CPNE9: variants seen among roughly 807,000 people sequenced by gnomAD.
The protein encoded by CPNE9 is copine-9.
A neutral mutation model predicts 83.0 loss-of-function variants in CPNE9; 59 were observed. The ratio of observed to expected loss-of-function variants is 0.71; its 90% CI spans 0.58 to 0.88. The LOEUF is 0.88. CPNE9 is among the 40% of genes least tolerant of loss of function. CPNE9 has a pLI of 0.00. For synonymous variants in CPNE9, 256 were observed against 273.4 expected (o/e 0.94, Z 0.63); for missense variants, 619 against 720.8 (o/e 0.86, Z 1.62).
Position 9,704,877 on chromosome 3 carries a change from A to AC in CPNE9, c.157-8dup, listed in dbSNP as rs758556277. The AC allele has an allele frequency of 1.9e-6, 3 of 1,605,644 alleles. No homozygotes were observed. Among genetic ancestry groups the AC allele is most frequent in the Non-Finnish European group, 8.5e-7 (1 of 1,175,688 alleles). On this transcript the variant is annotated splice_polypyrimidine_tract_variant and intron_variant, in intron 3 of 20. Coordinates refer to ENST00000383832, the MANE Select transcript of CPNE9 (RefSeq NM_153635.3). The surrounding 1 kb of genome is among the most constrained non-coding windows in gnomAD (Gnocchi z 7.1). ...TCTGCACGTCCCACGCTGACCCTCC[A>AC]CCCCCCTACCCAGTTCGGACGGACC...
Position 9,709,182 on chromosome 3 carries a change from A to G in CPNE9, c.377+3119A>G, listed in dbSNP as rs147578588. Among the ~76,000 whole-genome samples the G allele has an allele frequency of 7.2e-3, 1,074 of 148,332 alleles. 38 individuals are homozygous for G. Among genetic ancestry groups the G allele is most frequent in the East Asian group, 0.07 (314 of 4,496 alleles). The stretch of plus-strand genomic sequence containing the variant: ...TCCCAGCTACTCAGAAGGCTGAGGC[A>G]GTAAAATCGCCTGAACCCGGGAGGC... On this transcript the variant is annotated intron_variant, in intron 7 of 20. Transcript: ENST00000383832.
intron 17 of CPNE9, among the ~76,000 whole-genome samples, chr3:9,721,400 C>A (rs1239451618): frequency 6.6e-6 from 1 of 152,118 alleles, no homozygotes; most frequent in Non-Finnish European, 1.5e-5. Flanking sequence ...ACATTGCATC[C>A]CTGTTTAATT....
At chr3:9,707,458 G>GT (rs1390007492) in intron 7 of CPNE9, among the ~76,000 whole-genome samples, 2 of 151,886 alleles carry the variant, frequency 1.3e-5, no homozygotes, top group African/African-American at 2.4e-5. Context: ...ACCAGTGAAG[G>GT]AGGGGAGAAG....
Position 9,704,207 on chromosome 3 carries a change from G to C in CPNE9, c.68+143G>C, listed in dbSNP as rs1419171223. ...ATCACAGCTGATGACAGGGCGAGTA[G>C]CTGGTGGGATCGAGAAGCGGGGGGT... On this transcript the variant is annotated intron_variant, in intron 1 of 20. Transcript: ENST00000383832. This position sits in a 1 kb window ranked among gnomAD's most constrained non-coding sequence, Gnocchi z 7.1. The C allele has an allele frequency of 3.7e-6, 3 of 802,786 alleles. No homozygotes were observed. The highest frequency in any genetic ancestry group is 5.9e-6 in the Non-Finnish European group (3 of 512,342). 49.7% of individuals were successfully genotyped at this position (802,786 alleles called of 1,614,324 possible).
In CPNE9 at chr3:9,726,698, G is replaced by A. The variant is rs1381439541; in HGVS notation, c.1378G>A (p.Gly460Ser). ...SSLPMSIIIV[G>S]VGPAMFEAME... is the part of the protein sequence containing the mutation. ...ATTGCCCATGTCTATCATTATCGTCGGTGTAGGACCAGCCATGTTTGAGGG... is the reference window on the plus strand; with the variant it reads ...ATTGCCCATGTCTATCATTATCGTCAGTGTAGGACCAGCCATGTTTGAGGG... Residue 460 changes from glycine to serine, a missense_variant, in exon 19 of 21, where the codon GGT becomes AGT. Gly to Ser is a moderately conservative substitution (Grantham distance 56, BLOSUM62 0). Around this residue, in one of 3 missense-constraint regions of CPNE9, gnomAD observed 438 missense variants for 562.9 expected, o/e 0.78. Transcript: ENST00000383832. The A allele has an allele frequency of 1.1e-5, 18 of 1,613,858 alleles. No individual in the cohort carries two copies. In the Admixed American group the frequency reaches 1.5e-4, roughly 13 times the overall value.
At chr3:9,722,163 C>CCA (rs1553691410) in intron 17 of CPNE9, among the ~76,000 whole-genome samples, 11 of 151,594 alleles carry the variant, frequency 7.3e-5, no homozygotes, top group Non-Finnish European at 1.3e-4. Flanking sequence ...GTGATCCACC[C>CCA]CCCCCCGCCA....
rs146732756 is a variant in CPNE9, at chr3:9,718,219, T to A, written c.1113+9T>A. Reference sequence around the variant, plus strand: ...CCCACCAGTTCCCCCTGGTATGGTATTGGCCAGAGCTTACCCTCCGTGCCC... The same window carrying A: ...CCCACCAGTTCCCCCTGGTATGGTAATGGCCAGAGCTTACCCTCCGTGCCC... On this transcript the variant is annotated intron_variant, in intron 16 of 20. Coordinates refer to ENST00000383832, the MANE Select transcript of CPNE9 (RefSeq NM_153635.3). 28 of 1,605,336 alleles carry A rather than the reference T, an allele frequency of 1.7e-5. No homozygotes were observed. Among genetic ancestry groups the A allele is most frequent in the African/African-American group, 1.2e-4 (9 of 74,882 alleles).
At chr3:9,719,107 G>A (rs2076711709) in intron 17 of CPNE9, among the ~76,000 whole-genome samples, 1 of 151,924 alleles carries the variant, frequency 6.6e-6, no homozygotes, top group East Asian at 1.9e-4. Context: ...AAAGTGCTGG[G>A]ATTACAAGCA....
At chr3:9,719,592 T>C (rs1346016418) in intron 17 of CPNE9, among the ~76,000 whole-genome samples, 1 of 152,194 alleles carries the variant, frequency 6.6e-6, no homozygotes, top group Non-Finnish European at 1.5e-5. Flanking sequence ...AGGTTAAAAT[T>C]AGATAATAGT....
Position 9,716,055 on chromosome 3 carries a change from C to A in CPNE9, c.884+20C>A. The A allele has an allele frequency of 6.2e-7, 1 of 1,601,288 alleles. No individual in the cohort carries two copies. On this transcript the variant is annotated intron_variant, in intron 14 of 20. Coordinates refer to ENST00000383832, the MANE Select transcript of CPNE9 (RefSeq NM_153635.3). The stretch of plus-strand genomic sequence containing the variant: ...GGGAGGGTGAGTCACAGGCCAAGCT[C>A]TGGGCTGAAAGCCCGGCAATAAATT...
At chr3:9,706,855 C>G (rs2076569171) in intron 7 of CPNE9, among the ~76,000 whole-genome samples, 1 of 152,138 alleles carries the variant, frequency 6.6e-6, no homozygotes, top group Non-Finnish European at 1.5e-5. Flanking sequence ...GTGCAAAAGC[C>G]TGGTGCATTC....
At chr3:9,725,882 C>T in intron 17 of CPNE9, 67 bp from the exon 18 acceptor site, 2 of 1,219,828 alleles carry the variant, frequency 1.6e-6, no homozygotes, top group Non-Finnish European at 2.4e-6. Context: ...TGTGGAAGCT[C>T]TGGGGGTAAG....
At chr3:9,708,824 T>C (rs373018948) in intron 7 of CPNE9, among the ~76,000 whole-genome samples, 41 of 151,748 alleles carry the variant, frequency 2.7e-4, no homozygotes, top group East Asian at 9.8e-4. Context: ...TTAGTAGAGA[T>C]GGGGTTTCAC....
Position 9,717,934 on chromosome 3 carries a change from A to C in CPNE9, c.932-95A>C. ...GGAGGACATGGGTAGAGGGCAGATA[A>C]ATGGATATAGGTGGATGAATGCACA... On this transcript the variant is annotated intron_variant, in intron 15 of 20. Coordinates refer to ENST00000383832, the MANE Select transcript of CPNE9 (RefSeq NM_153635.3). 3.7e-6 allele frequency: 4 copies of C among 1,084,918 alleles called. 1 individual carries two copies. The South Asian group carries it at 6.5e-5, about 18-fold the overall frequency. The allele number at this position is 1,084,918 out of a possible 1,614,324, so 67.2% of individuals were successfully genotyped here. A position where few individuals can be genotyped will look rare whatever the true frequency, so the allele number is the denominator to read the frequency against.
rs546518802 is a variant in CPNE9 at position 9,729,565 on chromosome 3, G to A, written c.1535G>A (p.Arg512Gln). ...GGGAACCAGGTGTTGAGCATGGCCC[G>A]ACTGGCCAAGGATGTGCTGGCCGAG... ...RSGNQVLSMA[R>Q]LAKDVLAEIP... The change falls in exon 21 of 21, where the codon CGA (arginine) becomes CAA (glutamine). Residue 512 changes from arginine to glutamine, a missense_variant. By Grantham distance (43) the Arg-to-Gln change is conservative. This residue lies in a region of CPNE9 where 438 missense variants were observed against 562.9 expected (regional missense o/e 0.78). Coordinates refer to ENST00000383832, the MANE Select transcript of CPNE9 (RefSeq NM_153635.3). 5.8e-5 allele frequency: 93 copies of A among 1,614,032 alleles called. No homozygotes were observed. The highest frequency in any genetic ancestry group is 4.0e-4 in the South Asian group (36 of 91,062).
intron 7 of CPNE9, among the ~76,000 whole-genome samples, chr3:9,710,827 C>A (rs1439037204): frequency 6.6e-6 from 1 of 152,092 alleles, no homozygotes; most frequent in East Asian, 1.9e-4. Flanking sequence ...GAGTTCAAGA[C>A]CAGTCTGGGT....
At position 9,713,005 on chromosome 3, in the gene CPNE9, G is replaced by A; in HGVS notation, c.576G>A (p.Val192=). The A allele has an allele frequency of 6.2e-7, 1 of 1,614,188 alleles. No individual in the cohort carries two copies. Among genetic ancestry groups the A allele is most frequent in the Non-Finnish European group, 8.5e-7 (1 of 1,180,042 alleles). Residue 192 remains valine (V), a synonymous_variant, in exon 10 of 21, where the codon GTG becomes GTA. Transcript: ENST00000383832. ...TFTICHKTEV[V]KNTLNPVWQP... is the part of the protein sequence containing the mutation. The stretch of plus-strand genomic sequence containing the variant: ...CCATCTGCCACAAGACAGAGGTTGT[G>A]AAAAACACGCTGAATCCTGTGTGGC...
At chr3:9,705,425 A>ACCCCCCCCCCCC in intron 4 of CPNE9, 39 bp from the exon 5 acceptor site, 1 of 303,376 alleles carries the variant, frequency 3.3e-6, no homozygotes, top group Admixed American at 6.7e-5. Flanking sequence ...CCTCTCCCCC[A>ACCCCCCCCCCCC]CCCAGCCCCA....
chr3:9,705,800 C>A, intron 6 of CPNE9, 80 bp downstream of exon 6: 2 of 1,501,076 alleles, frequency 1.3e-6, no homozygotes, highest in South Asian at 1.2e-5. Context: ...TGACCCACTA[C>A]AAGGCAGAGA....
Sources: gnomAD v4.1 joint callset for allele counts (sites outside exome capture counted in the v4.1 genomes callset) on GRCh38, gnomAD v4.1.1 for gene constraint, gnomAD v4.1.1 regional missense constraint, Gnocchi (gnomAD v3.1) non-coding constraint, MANE v1.5 for transcripts, NCBI Gene and HGNC (gene_info 2026-07-23, HGNC 2026-07-21) for gene names.